PRKN: variants seen among roughly 807,000 people sequenced by gnomAD.
PRKN encodes E3 ubiquitin-protein ligase parkin.
A neutral mutation model predicts 59.5 loss-of-function variants in PRKN; 56 were observed. That is an observed-to-expected ratio of 0.94 (90% confidence interval 0.76 to 1.18). The LOEUF is 1.18. Ranked by LOEUF, PRKN falls within the 50% of genes most tolerant of loss-of-function variation. The pLI is 0.00. For missense variants in PRKN, 657 were observed against 596.4 expected (o/e 1.10, Z -1.06); for synonymous variants, 250 against 222.1 (o/e 1.13, Z -1.12).
intron 5 of PRKN, among the ~76,000 whole-genome samples, chr6:162,018,291 G>T (rs1357619725): frequency 2.6e-5 from 4 of 152,176 alleles, no homozygotes; most frequent in African/African-American, 4.8e-5. Flanking sequence ...CTCCCAAAGT[G>T]CTGGGATTAC....
At chr6:162,566,479 G>C (rs924993237) in intron 1 of PRKN, among the ~76,000 whole-genome samples, 1 of 151,968 alleles carries the variant, frequency 6.6e-6, no homozygotes, top group African/African-American at 2.4e-5. Context: ...AAGTTCAAAG[G>C]ATCATTAGTG....
At chr6:161,835,998 A>C (rs190424082) in intron 6 of PRKN, among the ~76,000 whole-genome samples, 1 of 152,070 alleles carries the variant, frequency 6.6e-6, no homozygotes, top group Non-Finnish European at 1.5e-5. Context: ...AATGACTCTC[A>C]GTATATTCAA....
At chr6:162,043,744 A>G (rs1407154135) in intron 5 of PRKN, among the ~76,000 whole-genome samples, 1 of 152,246 alleles carries the variant, frequency 6.6e-6, no homozygotes, top group African/African-American at 2.4e-5. Flanking sequence ...AAGGGTCCTC[A>G]GTTTTCTAGG....
intron 9 of PRKN, among the ~76,000 whole-genome samples, chr6:161,539,920 A>C (rs543487559): frequency 6.6e-6 from 1 of 152,324 alleles, no homozygotes; most frequent in East Asian, 1.9e-4. Flanking sequence ...ATTGTATTCC[A>C]CTGTATAATT....
Position 161,529,703 on chromosome 6 carries a change from A to C in PRKN, c.1083+19151T>G, listed in dbSNP as rs539113121. On this transcript the variant is annotated intron_variant, in intron 9 of 11. Transcript: ENST00000366898. This position sits in a 1 kb window ranked among gnomAD's most constrained non-coding sequence, Gnocchi z 4.4. ...TAAGTTGTCTTCTGCAAAATAAGAC[A>C]CAAAAATAGTTTTGAAATCAAAAAA... is the stretch of plus-strand genomic sequence containing the variant. Among the ~76,000 whole-genome samples, 4 of 152,336 alleles carry C rather than the reference A, an allele frequency of 2.6e-5. No individual in the cohort carries two copies. The South Asian group carries it at 8.3e-4, about 32-fold the overall frequency.
chr6:162,419,085 G>A (rs781533066), intron 2 of PRKN, among the ~76,000 whole-genome samples: 1 of 151,924 alleles, frequency 6.6e-6, no homozygotes, highest in African/African-American at 2.4e-5. Context: ...AGGGGTGGGA[G>A]GGGTGTTGGT....
intron 4 of PRKN, among the ~76,000 whole-genome samples, chr6:162,134,112 A>G (rs756128642): frequency 2.0e-5 from 3 of 152,190 alleles, no homozygotes; most frequent in Non-Finnish European, 4.4e-5. Flanking sequence ...GGTAGGTGTT[A>G]TCACTATTTT....
chr6:162,417,438 C>T (rs2128157731), intron 2 of PRKN, among the ~76,000 whole-genome samples: 1 of 152,302 alleles, frequency 6.6e-6, no homozygotes, highest in African/African-American at 2.4e-5. Context: ...CACATGCTGG[C>T]AGCTGTGGGG....
At chr6:161,678,598 G>A (rs1785180886) in intron 7 of PRKN, among the ~76,000 whole-genome samples, 3 of 128,968 alleles carry the variant, frequency 2.3e-5, no homozygotes, top group Admixed American at 8.3e-5. Context: ...TTGAGACAGA[G>A]TCTTGCTCTC....
chr6:162,490,561 C>T (rs1026443712), intron 1 of PRKN, among the ~76,000 whole-genome samples: 1 of 152,128 alleles, frequency 6.6e-6, no homozygotes, highest in Non-Finnish European at 1.5e-5. Context: ...AGACTCTAAA[C>T]AAAGTATTCT....
rs1491550466 is a variant in PRKN at position 162,010,734 on chromosome 6, AAT to A, written c.619-37319_619-37318del. ...ATATTATATATAATACATATTATATAATATATATTATATAATATACAATATAT... is the reference window on the plus strand; with the variant it reads ...ATATTATATATAATACATATTATATAATATATTATATAATATACAATATAT... On this transcript the variant is annotated intron_variant, in intron 5 of 11. Transcript: ENST00000366898. Among the ~76,000 whole-genome samples the A allele has an allele frequency of 1.2e-3, 5 of 4,024 alleles. 2 individuals are homozygous for A. The African/African-American group carries it at 0.03, about 25-fold the overall frequency. 2.6% of individuals were successfully genotyped at this position (4,024 alleles called of 152,430 possible).
rs1191390783 is a variant in PRKN, at chr6:161,379,475, G to A, written c.1167+7319C>T. Among the ~76,000 whole-genome samples, 1 of 152,156 alleles carries A rather than the reference G, an allele frequency of 6.6e-6. No individual in the cohort carries two copies. The highest frequency in any genetic ancestry group is 1.5e-5 in the Non-Finnish European group (1 of 68,028). On this transcript the variant is annotated intron_variant, in intron 10 of 11. Transcript: ENST00000366898. This position sits in a 1 kb window ranked among gnomAD's most constrained non-coding sequence, Gnocchi z 4.9. Reference sequence around the variant, plus strand: ...GCAAATGTCTCCAGGCAGTGCAAGGGGCAGACGACAGCAGATGCTGTGAGG... The same window carrying A: ...GCAAATGTCTCCAGGCAGTGCAAGGAGCAGACGACAGCAGATGCTGTGAGG...
At chr6:162,504,027 C>T (rs113683560) in intron 1 of PRKN, among the ~76,000 whole-genome samples, 35 of 152,256 alleles carry the variant, frequency 2.3e-4, no homozygotes, top group African/African-American at 8.2e-4. Context: ...GCTCTTCTTC[C>T]TGCTCCAGGC....
At chr6:161,654,603 G>T (rs1198191219) in intron 7 of PRKN, among the ~76,000 whole-genome samples, 3 of 152,196 alleles carry the variant, frequency 2.0e-5, no homozygotes, top group Non-Finnish European at 4.4e-5. Context: ...TAAGGTTTAG[G>T]AAATCCCAGG....
At chr6:161,741,396 T>C (rs547820693) in intron 7 of PRKN, among the ~76,000 whole-genome samples, 5 of 152,292 alleles carry the variant, frequency 3.3e-5, no homozygotes, top group Non-Finnish European at 7.4e-5. Context: ...GCAAGGAAAC[T>C]GAACGGAGTT....
intron 1 of PRKN, among the ~76,000 whole-genome samples, chr6:162,673,194 T>C (rs1207015666): frequency 6.6e-6 from 1 of 152,196 alleles, no homozygotes; most frequent in African/African-American, 2.4e-5. Context: ...CACTGAATGA[T>C]AGTGCCTGCC....
Position 161,348,408 on chromosome 6 carries a change from G to C in PRKN, c.*1691C>G, listed in dbSNP as rs1372766938. ...CTGTCACAGGTCTGTTGTCACCGTGGGGCCATGTTGGAGTCGGTAGATTTT... is the reference window on the plus strand; with the variant it reads ...CTGTCACAGGTCTGTTGTCACCGTGCGGCCATGTTGGAGTCGGTAGATTTT... On this transcript the variant is annotated 3_prime_UTR_variant, in exon 12 of 12. Transcript: ENST00000366898. This position sits in a 1 kb window ranked among gnomAD's most constrained non-coding sequence, Gnocchi z 4.9. 1 of 223,658 alleles carries C rather than the reference G, an allele frequency of 4.5e-6. No homozygotes were observed. Among genetic ancestry groups the C allele is most frequent in the African/African-American group, 2.2e-5 (1 of 44,658 alleles). 13.9% of individuals were successfully genotyped at this position (223,658 alleles called of 1,614,324 possible). A position where few individuals can be genotyped will look rare whatever the true frequency, so the allele number is the denominator to read the frequency against.
intron 1 of PRKN, among the ~76,000 whole-genome samples, chr6:162,573,517 T>G (rs1003256253): frequency 3.4e-4 from 52 of 152,222 alleles, no homozygotes; most frequent in Non-Finnish European, 1.2e-4. Flanking sequence ...CTAAGTCTGT[T>G]CTGTTTACTG....
chr6:161,816,606 C>T (rs531211167), intron 6 of PRKN, among the ~76,000 whole-genome samples: 4 of 152,050 alleles, frequency 2.6e-5, no homozygotes, highest in African/African-American at 9.6e-5. Flanking sequence ...GCTGTCTTCT[C>T]ACAATGCAGC....
Sources: gnomAD v4.1 joint callset for allele counts (sites outside exome capture counted in the v4.1 genomes callset) on GRCh38, gnomAD v4.1.1 for gene constraint, Gnocchi (gnomAD v3.1) non-coding constraint, MANE v1.5 for transcripts, NCBI Gene and HGNC (gene_info 2026-07-23, HGNC 2026-07-21) for gene names.